SP4: variants seen among roughly 807,000 people sequenced by gnomAD.
The protein encoded by SP4 is transcription factor Sp4.
SP4 carries 19 observed loss-of-function variants against 72.8 expected under a neutral mutation model. That is an observed-to-expected ratio of 0.26 (90% CI 0.18 to 0.38). SP4 has a LOEUF of 0.38. SP4 is among the 10% of genes least tolerant of loss of function. The probability of loss-of-function intolerance (pLI) is 1.00; values close to 1 mark genes in which losing one functional copy is unlikely to be tolerated. For missense variants in SP4, 1,008 were observed against 926.3 expected, an observed-to-expected ratio of 1.09 and a Z score of -1.14; for synonymous variants, 395 against 333.1, an observed-to-expected ratio of 1.19 and a Z score of -2.02.
intron 3 of SP4, among the ~76,000 whole-genome samples, chr7:21,469,417 TAAAATC>T (rs1784261855): frequency 6.6e-6 from 1 of 152,130 alleles, no homozygotes; most frequent in Non-Finnish European, 1.5e-5. Context: ...GCTTTGTTCT[TAAAATC>T]AGAAGAAAAA....
chr7:21,471,083 A>G (rs377398448), intron 3 of SP4: 2 of 534,810 alleles, frequency 3.7e-6, no homozygotes, highest in Non-Finnish European at 7.7e-6. Flanking sequence ...GGAGACACAG[A>G]ACATTAGAGA....
In SP4 at chr7:21,428,643, TGTC is replaced by T. The variant is rs749329419; in HGVS notation, c.8-31_8-29del. On this transcript the variant is annotated intron_variant, in intron 1 of 5. Transcript: ENST00000222584. ...AATAATAATAATCCTAATAACCTGTTGTCGTGTGTGTGTGGTGGGGGGGTTTGT... is the reference window on the plus strand; with the variant it reads ...AATAATAATAATCCTAATAACCTGTTGTGTGTGTGTGGTGGGGGGGTTTGT... The T allele has an allele frequency of 6.7e-6, 10 of 1,492,102 alleles. No homozygotes were observed. In the East Asian group the frequency reaches 7.4e-5, roughly 11 times the overall value. The allele number at this position is 1,492,102 out of a possible 1,614,324, so 92.4% of individuals were successfully genotyped here. A position where few individuals can be genotyped will look rare whatever the true frequency, so the allele number is the denominator to read the frequency against.
chr7:21,487,257 G>C (rs186889743), intron 5 of SP4, among the ~76,000 whole-genome samples: 2 of 152,092 alleles, frequency 1.3e-5, no homozygotes, highest in East Asian at 3.9e-4. Flanking sequence ...GTGGTGTGCT[G>C]CTAATTTCAT....
chr7:21,470,258 A>G (rs977446374), intron 3 of SP4, among the ~76,000 whole-genome samples: 1 of 152,230 alleles, frequency 6.6e-6, no homozygotes, highest in Non-Finnish European at 1.5e-5. Flanking sequence ...GAACCTTGGT[A>G]GCCAAAGGAC....
chr7:21,428,202 C>A lies in SP4; in HGVS notation c.-50C>A. 1.7e-6 allele frequency: 2 copies of A among 1,206,782 alleles called. No individual in the cohort carries two copies. Among genetic ancestry groups the A allele is most frequent in the East Asian group, 2.9e-5 (1 of 34,948 alleles). The allele number at this position is 1,206,782 out of a possible 1,614,324, so 74.8% of individuals were successfully genotyped here. ...CCTCCCGCCTCGCCCCCACCCCCAC[C>A]CACCTCTATCCCAGTGTCTCCGTCT... On this transcript the variant is annotated 5_prime_UTR_variant, in exon 1 of 6. Transcript: ENST00000222584.
Position 21,498,585 on chromosome 7 carries a change from A to T in SP4, c.2108-12437A>T, listed in dbSNP as rs1781783104. ...AATAACTTGAGTCCTTACATTCAAA[A>T]ATGATTACAGTTAACCCTTGAACAA... On this transcript the variant is annotated intron_variant, in intron 5 of 5. Coordinates refer to ENST00000222584, the MANE Select transcript of SP4 (RefSeq NM_003112.5). Among the ~76,000 whole-genome samples, 7 of 152,192 alleles carry T rather than the reference A, an allele frequency of 4.6e-5. 1 individual carries two copies. The South Asian group carries it at 1.5e-3, about 32-fold the overall frequency.
intron 5 of SP4, among the ~76,000 whole-genome samples, chr7:21,509,471 C>CT (rs11392678): frequency 0.78 from 116,427 of 150,132 alleles, 45,547 homozygotes; most frequent in East Asian, 0.9. Flanking sequence ...AAATATTTTC[C>CT]TTTTTTTTTA....
chr7:21,464,181 T>C (rs2128403497), intron 3 of SP4, among the ~76,000 whole-genome samples: 1 of 147,992 alleles, frequency 6.8e-6, no homozygotes, highest in Admixed American at 6.8e-5. Flanking sequence ...CTGGAGTGCA[T>C]GGCCTCCCGG....
chr7:21,439,990 C>G (rs1783189568), intron 3 of SP4, among the ~76,000 whole-genome samples: 1 of 152,190 alleles, frequency 6.6e-6, no homozygotes, highest in African/African-American at 2.4e-5. Flanking sequence ...TGAAGCTTCT[C>G]TTTTCCTCAG....
intron 5 of SP4, among the ~76,000 whole-genome samples, chr7:21,485,316 G>C (rs1052418187): frequency 9.2e-5 from 14 of 151,856 alleles, no homozygotes; most frequent in Admixed American, 5.3e-4. Context: ...GCTGAAAATA[G>C]TGATCTGTTT....
At chr7:21,487,656 C>T (rs1029283847) in intron 5 of SP4, among the ~76,000 whole-genome samples, 11 of 151,224 alleles carry the variant, frequency 7.3e-5, no homozygotes, top group Non-Finnish European at 1.5e-5. Context: ...TTTATGTTTC[C>T]TCCAGGATGA....
intron 3 of SP4, among the ~76,000 whole-genome samples, chr7:21,461,404 C>A (rs117275624): frequency 1.3e-5 from 2 of 152,150 alleles, no homozygotes; most frequent in African/African-American, 4.8e-5. Flanking sequence ...TAAGGCCTGG[C>A]GAGAAATCGA....
intron 3 of SP4, among the ~76,000 whole-genome samples, chr7:21,475,096 C>G (rs928903575): frequency 6.6e-6 from 1 of 151,622 alleles, no homozygotes; most frequent in South Asian, 2.1e-4. Flanking sequence ...ACCTCCCCCA[C>G]CCTTTTTTTG....
chr7:21,429,255 C>A (rs1249341381), intron 2 of SP4, 34 bp from the exon 3 acceptor site: 3 of 1,205,882 alleles, frequency 2.5e-6, no homozygotes, highest in East Asian at 2.4e-5. Flanking sequence ...TTTTTTTCCC[C>A]CCCCCCTCTC....
intron 5 of SP4, among the ~76,000 whole-genome samples, chr7:21,501,358 GT>G (rs1370461426): frequency 2.0e-5 from 3 of 152,010 alleles, no homozygotes; most frequent in Non-Finnish European, 4.4e-5. Flanking sequence ...CCTCTTTTCT[GT>G]TTACTTCCTT....
Position 21,444,041 on chromosome 7 carries a change from C to T in SP4, c.1678+13198C>T, listed in dbSNP as rs77312657. 4.4e-3 allele frequency among the ~76,000 whole-genome samples: 664 copies of T among 152,302 alleles called. 4 individuals carry two copies. Among genetic ancestry groups the T allele is most frequent in the African/African-American group, 0.015 (637 of 41,550 alleles). On this transcript the variant is annotated intron_variant, in intron 3 of 5. Transcript: ENST00000222584. ...TGTTGTTGTTATTGGTAGGTTGTCACTGCCTTTACTGATTTTAATTATAGG... is the reference window on the plus strand; with the variant it reads ...TGTTGTTGTTATTGGTAGGTTGTCATTGCCTTTACTGATTTTAATTATAGG...
In SP4 at chr7:21,476,978, G is replaced by A. The variant is rs375983221; in HGVS notation, c.1679-101G>A. 13 of 808,968 alleles carry A rather than the reference G, an allele frequency of 1.6e-5. No individual in the cohort carries two copies. The African/African-American group carries it at 1.9e-4, about 12-fold the overall frequency. 50.1% of individuals were successfully genotyped at this position (808,968 alleles called of 1,614,324 possible). ...CCCCTTAGTTTTTGTACTTTACACA[G>A]ATTGTTAGAAAAAATTTATTATGCA... On this transcript the variant is annotated intron_variant, in intron 3 of 5. Coordinates refer to ENST00000222584, the MANE Select transcript of SP4 (RefSeq NM_003112.5).
rs537642733 is a variant in SP4 at position 21,435,049 on chromosome 7, T to C, written c.1678+4206T>C. ...AGGTGTTACATTTCCTTAAAGACTT[T>C]AGAGCTATGTAGGAACAATTGATAG... On this transcript the variant is annotated intron_variant, in intron 3 of 5. Coordinates refer to ENST00000222584, the MANE Select transcript of SP4 (RefSeq NM_003112.5). Among the ~76,000 whole-genome samples the C allele has an allele frequency of 5.3e-5, 8 of 152,360 alleles. No individual in the cohort carries two copies. The South Asian group carries it at 1.0e-3, about 20-fold the overall frequency.
chr7:21,452,215 T>G (rs2390537), intron 3 of SP4, among the ~76,000 whole-genome samples: 9,736 of 152,302 alleles, frequency 0.064, 653 homozygotes, highest in African/African-American at 0.18. Context: ...ACTGATTTGT[T>G]TGCAAAATAA....
Sources: gnomAD v4.1 joint callset for allele counts (sites outside exome capture counted in the v4.1 genomes callset) on GRCh38, gnomAD v4.1.1 for gene constraint, MANE v1.5 for transcripts, NCBI Gene and HGNC (gene_info 2026-07-23, HGNC 2026-07-21) for gene names.